TIAM1: variants seen among roughly 807,000 people sequenced by gnomAD.
TIAM1 encodes TIAM Rac1 associated GEF 1.
TIAM1 carries 65 observed loss-of-function variants against 163.5 expected under a neutral mutation model. The ratio of observed to expected loss-of-function variants is 0.40; its 90% confidence interval spans 0.33 to 0.49. The LOEUF (loss-of-function observed/expected upper bound fraction) is 0.49, where lower values mean the gene tolerates loss of function less well. TIAM1 is among the 20% of genes least tolerant of loss of function. TIAM1 has a pLI of 0.77. For synonymous variants in TIAM1, 833 were observed against 810.1 expected (o/e 1.03, Z -0.48); for missense variants, 1,789 against 2,044.7 (o/e 0.87, Z 2.41).
rs145022557 is a variant in TIAM1, at chr21:31,187,169, T to A, written c.2576-82A>T. The A allele has an allele frequency of 4.8e-6, 6 of 1,241,060 alleles. No homozygotes were observed. The African/African-American group carries it at 8.9e-5, about 18-fold the overall frequency. The allele number at this position is 1,241,060 out of a possible 1,614,324, so 76.9% of individuals were successfully genotyped here. ...ACAACAGGAAGTGCCTGCTGTGAAC[T>A]AGGTATGTTTCATGTTTGTCATTAT... On this transcript the variant is annotated intron_variant, in intron 13 of 27. Transcript: ENST00000541036.
chr21:31,361,837 TTAGATAGATAGATAGA>T (rs75126984), intron 2 of TIAM1, among the ~76,000 whole-genome samples: 3 of 147,596 alleles, frequency 2.0e-5, no homozygotes, highest in Admixed American at 6.8e-5. Context: ...GGAAGAAAGA[TTAGATAGATAGATAGA>T]TAGATAGATA....
Position 31,202,999 on chromosome 21 carries a change from T to A in TIAM1, c.2402A>T (p.Asp801Val), listed in dbSNP as rs868450850. Residue 801 changes from aspartate (D) to valine (V), a missense_variant, in exon 12 of 28, where the codon GAT (aspartate) becomes GTT (valine). By Grantham distance (152) the Asp-to-Val change is radical (BLOSUM62 -3). Coordinates refer to ENST00000541036, the MANE Select transcript of TIAM1 (RefSeq NM_001353694.2). ...CAGGCGCAGGTAATGAGCAGAATGA[T>A]CCAGTTGATGTGTCTGGGACAAAAA... ...LELICKTHQLDHSAHYLRLKF... is the reference protein window; with the variant it reads ...LELICKTHQLVHSAHYLRLKF... The A allele has an allele frequency of 1.2e-6, 2 of 1,613,476 alleles. No homozygotes were observed. Among genetic ancestry groups the A allele is most frequent in the Non-Finnish European group, 1.7e-6 (2 of 1,179,976 alleles).
At chr21:31,501,389 G>C (rs1026684108) in intron 1 of TIAM1, among the ~76,000 whole-genome samples, 1 of 152,068 alleles carries the variant, frequency 6.6e-6, no homozygotes, top group Admixed American at 6.6e-5. Flanking sequence ...GAAGAGAAGG[G>C]GGAGAGAGTC....
intron 2 of TIAM1, among the ~76,000 whole-genome samples, chr21:31,302,370 C>T (rs2146959784): frequency 6.6e-6 from 1 of 152,196 alleles, no homozygotes. Context: ...AAAAACAAAA[C>T]CCAAAAAGTC....
chr21:31,336,768 GAC>G (rs2075854691), intron 2 of TIAM1, among the ~76,000 whole-genome samples: 1 of 152,148 alleles, frequency 6.6e-6, no homozygotes, highest in Non-Finnish European at 1.5e-5. Flanking sequence ...AGTCCAGAAA[GAC>G]AGCCGGGAGG....
At chr21:31,456,825 C>T (rs1004768178) in intron 2 of TIAM1, among the ~76,000 whole-genome samples, 1 of 152,162 alleles carries the variant, frequency 6.6e-6, no homozygotes, top group Non-Finnish European at 1.5e-5. Flanking sequence ...ATCCCACCCA[C>T]CACCCAAAAA....
rs1174260200 is a variant in TIAM1 at position 31,213,344 on chromosome 21, T to C, written c.2217+54A>G. On this transcript the variant is annotated intron_variant, in intron 10 of 27. Coordinates refer to ENST00000541036, the MANE Select transcript of TIAM1 (RefSeq NM_001353694.2). ...GCTCAAGACAACACTGCACCATGTA[T>C]ATGTTGATGCACTTGTGGTACTTTT... is the stretch of plus-strand genomic sequence containing the variant. 20 of 1,458,714 alleles carry C rather than the reference T, an allele frequency of 1.4e-5. No homozygotes were observed. The South Asian group carries it at 2.0e-4, about 15-fold the overall frequency. The allele number at this position is 1,458,714 out of a possible 1,614,324, so 90.4% of individuals were successfully genotyped here.
chr21:31,309,855 C>T (rs2074858028), intron 2 of TIAM1, among the ~76,000 whole-genome samples: 1 of 152,186 alleles, frequency 6.6e-6, no homozygotes, highest in South Asian at 2.1e-4. Context: ...CATCATCAGG[C>T]AAAGAAGAAA....
intron 1 of TIAM1, among the ~76,000 whole-genome samples, chr21:31,495,056 A>G (rs930953263): frequency 6.6e-6 from 1 of 152,220 alleles, no homozygotes; most frequent in Non-Finnish European, 1.5e-5. Context: ...CAGTGTGTGT[A>G]TAAGTGTGCA....
chr21:31,498,986 AGGGAG>A (rs527886350), intron 1 of TIAM1, among the ~76,000 whole-genome samples: 108 of 106,300 alleles, frequency 1.0e-3, no homozygotes, highest in African/African-American at 3.0e-3. Context: ...AGAGAAGAGA[AGGGAG>A]GGGAGGGGAG....
intron 2 of TIAM1, among the ~76,000 whole-genome samples, chr21:31,460,794 G>C (rs1233442877): frequency 6.6e-6 from 1 of 152,068 alleles, no homozygotes; most frequent in Non-Finnish European, 1.5e-5. Flanking sequence ...AGAATCTTTG[G>C]TAAGCTATTT....
At chr21:31,165,126 C>T in intron 15 of TIAM1, 61 bp from the exon 16 acceptor site, 2 of 1,518,258 alleles carry the variant, frequency 1.3e-6, no homozygotes, top group Non-Finnish European at 1.8e-6. Context: ...TAAAAGCCAC[C>T]CCTGTGTGAG....
intron 2 of TIAM1, among the ~76,000 whole-genome samples, chr21:31,328,549 T>A (rs1481842812): frequency 1.3e-5 from 2 of 151,934 alleles, no homozygotes; most frequent in African/African-American, 2.4e-5. Flanking sequence ...TATTATTTTT[T>A]TTTTTTATTT....
chr21:31,323,381 A>G (rs954407390), intron 2 of TIAM1, among the ~76,000 whole-genome samples: 13 of 151,852 alleles, frequency 8.6e-5, no homozygotes, highest in South Asian at 8.4e-4. Context: ...TTCCAAGTAT[A>G]TGACGTTCCA....
At chr21:31,323,976 C>A (rs1601962448) in intron 2 of TIAM1, among the ~76,000 whole-genome samples, 2 of 151,230 alleles carry the variant, frequency 1.3e-5, no homozygotes, top group African/African-American at 4.9e-5. Flanking sequence ...CCACTTCATT[C>A]CAGCCTGGGC....
intron 20 of TIAM1, among the ~76,000 whole-genome samples, chr21:31,142,669 A>C (rs2082911070): frequency 6.6e-6 from 1 of 151,700 alleles, no homozygotes; most frequent in Non-Finnish European, 1.5e-5. Flanking sequence ...GAAAAAGAAA[A>C]AGAAAAAAAA....
intron 2 of TIAM1, among the ~76,000 whole-genome samples, chr21:31,289,902 C>T (rs531957632): frequency 6.6e-6 from 1 of 152,116 alleles, no homozygotes; most frequent in Admixed American, 6.6e-5. Flanking sequence ...ATCTATGGGA[C>T]CACACACAAG....
chr21:31,527,199 G>A (rs907757533), intron 1 of TIAM1, among the ~76,000 whole-genome samples: 1 of 152,078 alleles, frequency 6.6e-6, no homozygotes, highest in African/African-American at 2.4e-5. Flanking sequence ...CATGCCTCCT[G>A]CCTCTGTTAA....
intron 4 of TIAM1, 87 bp downstream of exon 4, chr21:31,265,923 A>G: frequency 6.6e-7 from 1 of 1,525,026 alleles, no homozygotes; most frequent in Non-Finnish European, 8.8e-7. Context: ...CCCGATTAAA[A>G]GATGGAAATC....
Sources: allele counts gnomAD v4.1 joint callset (sites outside exome capture counted in the v4.1 genomes callset), GRCh38; gene constraint gnomAD v4.1.1; transcripts MANE v1.5; gene names NCBI Gene and HGNC (gene_info 2026-07-23, HGNC 2026-07-21).